Variants in CREB5 observed in about 807,000 individuals in gnomAD.
CREB5 encodes cyclic AMP-responsive element-binding protein 5.
In CREB5, 19 loss-of-function variants were observed where a neutral mutation model predicts 57.1. The observed-to-expected ratio is 0.33, with a 90% CI of 0.23 to 0.49. The LOEUF is 0.49. CREB5 is among the 20% of genes least tolerant of loss of function. The pLI, the probability that CREB5 is intolerant of heterozygous loss-of-function variation, is 0.99. For missense variants in CREB5, 579 were observed against 671.6 expected (o/e 0.86, Z 1.52); for synonymous variants, 238 against 238.3 (o/e 1.00, Z 0.01).
chr7:28,643,972 G>A (rs921653548), intron 5 of CREB5, among the ~76,000 whole-genome samples: 1 of 152,002 alleles, frequency 6.6e-6, no homozygotes, highest in Non-Finnish European at 1.5e-5. Context: ...CAGCTGCTAG[G>A]GAGGCTGAGG....
chr7:28,414,089 G>C (rs971868499), intron 1 of CREB5, among the ~76,000 whole-genome samples: 4 of 151,428 alleles, frequency 2.6e-5, no homozygotes, highest in African/African-American at 9.7e-5. Context: ...TTTTCTTCTG[G>C]TTATGTTGTT....
intron 1 of CREB5, among the ~76,000 whole-genome samples, chr7:28,313,251 A>G (rs1583663930): frequency 6.6e-6 from 1 of 152,174 alleles, no homozygotes; most frequent in East Asian, 1.9e-4. Flanking sequence ...TTCCTGCTTC[A>G]TGAGCCTGCT....
chr7:28,325,123 A>G (rs1785562857), intron 1 of CREB5, among the ~76,000 whole-genome samples: 1 of 152,162 alleles, frequency 6.6e-6, no homozygotes, highest in African/African-American at 2.4e-5. Context: ...TTATACACTT[A>G]TAGTCCTTTC....
At chr7:28,384,708 G>A (rs1291052520) in intron 1 of CREB5, among the ~76,000 whole-genome samples, 1 of 151,694 alleles carries the variant, frequency 6.6e-6, no homozygotes, top group Non-Finnish European at 1.5e-5. Context: ...TATCATCAGA[G>A]CACTGATAGC....
intron 1 of CREB5, among the ~76,000 whole-genome samples, chr7:28,467,651 G>A (rs1790645583): frequency 6.6e-6 from 1 of 152,112 alleles, no homozygotes; most frequent in Non-Finnish European, 1.5e-5. Flanking sequence ...GCGATAGGAG[G>A]TGTGTCAGAA....
At chr7:28,636,893 T>G (rs979821107) in intron 5 of CREB5, among the ~76,000 whole-genome samples, 1 of 152,178 alleles carries the variant, frequency 6.6e-6, no homozygotes, top group African/African-American at 2.4e-5. Context: ...CAGTGGCTCA[T>G]GCCTGTACCC....
chr7:28,339,554 C>T (rs144353690), intron 1 of CREB5, among the ~76,000 whole-genome samples: 18 of 152,260 alleles, frequency 1.2e-4, no homozygotes, highest in African/African-American at 3.6e-4. Context: ...CCCTGTGGCC[C>T]CCACTACTTG....
At chr7:28,482,718 T>C (rs997487347) in intron 1 of CREB5, among the ~76,000 whole-genome samples, 1 of 152,204 alleles carries the variant, frequency 6.6e-6, no homozygotes, top group African/African-American at 2.4e-5. Context: ...CAAGCCCCCC[T>C]TTCAGATTTA....
At chr7:28,531,794 G>T (rs910570848) in intron 4 of CREB5, among the ~76,000 whole-genome samples, 2 of 152,178 alleles carry the variant, frequency 1.3e-5, no homozygotes, top group African/African-American at 4.8e-5. Context: ...ACTTAGGGAG[G>T]CTGAGGTGGG....
chr7:28,555,276 A>T (rs917557167), intron 4 of CREB5, among the ~76,000 whole-genome samples: 1 of 152,230 alleles, frequency 6.6e-6, no homozygotes, highest in Non-Finnish European at 1.5e-5. Flanking sequence ...CAGATGTGAG[A>T]TTAGTAGTTA....
chr7:28,322,610 C>T (rs1329674187), intron 1 of CREB5, among the ~76,000 whole-genome samples: 2 of 151,744 alleles, frequency 1.3e-5, no homozygotes, highest in African/African-American at 2.4e-5. Context: ...CCCCACTCCC[C>T]GACAGGCTCT....
chr7:28,400,528 G>T (rs1787438045), intron 1 of CREB5, among the ~76,000 whole-genome samples: 1 of 152,202 alleles, frequency 6.6e-6, no homozygotes, highest in Non-Finnish European at 1.5e-5. Flanking sequence ...TAAGTGTCAA[G>T]TAAGGGCATT....
At chr7:28,743,321 C>T (rs1804486308) in intron 7 of CREB5, among the ~76,000 whole-genome samples, 1 of 152,026 alleles carries the variant, frequency 6.6e-6, no homozygotes, top group Non-Finnish European at 1.5e-5. Flanking sequence ...TTGTTTGAGG[C>T]CAGGAGTTTG....
rs373058828 is a variant in CREB5, at chr7:28,370,871, G to A, written c.-25+71430G>A. Among the ~76,000 whole-genome samples the A allele has an allele frequency of 9.8e-5, 15 of 152,316 alleles. No homozygotes were observed. The East Asian group carries it at 2.5e-3, about 25-fold the overall frequency. On this transcript the variant is annotated intron_variant, in intron 1 of 9. Coordinates refer to the CREB5 transcript ENST00000396299. ...CCAACCCAAGAAATCAGAAAAATGA[G>A]CACATTTCTGGTGGCAAGGAGAGGC...
At chr7:28,487,549 G>A (rs887622863) in intron 1 of CREB5, among the ~76,000 whole-genome samples, 1 of 152,160 alleles carries the variant, frequency 6.6e-6, no homozygotes, top group Non-Finnish European at 1.5e-5. Flanking sequence ...CTGCGTACTT[G>A]GATAACTTTT....
intron 5 of CREB5, among the ~76,000 whole-genome samples, chr7:28,662,366 C>T (rs189782036): frequency 3.9e-5 from 6 of 152,310 alleles, no homozygotes; most frequent in East Asian, 3.9e-4. Context: ...CAGGTGGCCT[C>T]GCCCCAGCTC....
At chr7:28,458,703 A>C (rs201775975) in intron 1 of CREB5, among the ~76,000 whole-genome samples, 2 of 152,292 alleles carry the variant, frequency 1.3e-5, no homozygotes, top group East Asian at 3.9e-4. Context: ...GATCTTGGTC[A>C]ATGACTTTGC....
At chr7:28,637,404 C>G (rs1054860715) in intron 5 of CREB5, among the ~76,000 whole-genome samples, 2 of 152,030 alleles carry the variant, frequency 1.3e-5, no homozygotes, top group African/African-American at 4.8e-5. Flanking sequence ...TCAAAATGCT[C>G]ACAGATTAGT....
chr7:28,737,555 AT>A lies in CREB5; in HGVS notation c.702+13224del, dbSNP rs1562606501. ...TATATATACGTATATATATATATAT[AT>A]ATATATATATATATATATATATATA... On this transcript the variant is annotated intron_variant, in intron 7 of 10. Transcript: ENST00000357727. 9.1e-4 allele frequency among the ~76,000 whole-genome samples: 40 copies of A among 43,950 alleles called. 1 individual carries two copies. The highest frequency in any genetic ancestry group is 3.1e-3 in the African/African-American group (36 of 11,662). The allele number at this position is 43,950 out of a possible 152,430, so 28.8% of individuals were successfully genotyped here.
Sources: allele counts gnomAD v4.1 joint callset (sites outside exome capture counted in the v4.1 genomes callset), GRCh38; gene constraint gnomAD v4.1.1; transcripts MANE v1.5; gene names NCBI Gene and HGNC (gene_info 2026-07-23, HGNC 2026-07-21).